Variants in ROBO2 observed in about 807,000 individuals in gnomAD.
ROBO2 encodes the protein roundabout guidance receptor 2.
ROBO2 carries 53 observed loss-of-function variants against 160.8 expected under a neutral mutation model. The ratio of observed to expected loss-of-function variants is 0.33; its 90% CI spans 0.26 to 0.41. ROBO2 has a LOEUF of 0.41. Ranked by LOEUF, ROBO2 falls within the 10% of genes least tolerant of loss-of-function variation. The probability of loss-of-function intolerance (pLI) is 1.00; values close to 1 mark genes in which losing one functional copy is unlikely to be tolerated. For missense variants in ROBO2, 1,577 were observed against 1,722.4 expected, an observed-to-expected ratio of 0.92 and a Z score of 1.49; for synonymous variants, 664 against 611.7, an observed-to-expected ratio of 1.09 and a Z score of -1.26.
At chr3:77,112,066 A>T (rs2073659873) in intron 2 of ROBO2, among the ~76,000 whole-genome samples, 1 of 151,710 alleles carries the variant, frequency 6.6e-6, no homozygotes, top group African/African-American at 2.4e-5. Context: ...TACAATAGTT[A>T]GCCGGGTGTA....
chr3:76,392,321 G>C (rs1166942667), intron 2 of ROBO2, among the ~76,000 whole-genome samples: 1 of 152,074 alleles, frequency 6.6e-6, no homozygotes, highest in Non-Finnish European at 1.5e-5. Context: ...GCCCTGCATG[G>C]TTTAGAACTT....
chr3:76,243,349 G>T (rs1324482859), intron 2 of ROBO2, among the ~76,000 whole-genome samples: 2 of 152,174 alleles, frequency 1.3e-5, no homozygotes, highest in Non-Finnish European at 2.9e-5. Context: ...CTCAGGGAAT[G>T]GAGGGTGGGG....
chr3:77,580,454 T>C (rs906366905), intron 16 of ROBO2, among the ~76,000 whole-genome samples: 1 of 152,166 alleles, frequency 6.6e-6, no homozygotes, highest in African/African-American at 2.4e-5. Context: ...AGAGAGACCA[T>C]CATGTTTCAA....
intron 12 of ROBO2, among the ~76,000 whole-genome samples, chr3:77,567,785 C>T (rs560072189): frequency 6.6e-6 from 1 of 152,140 alleles, no homozygotes; most frequent in East Asian, 1.9e-4. Context: ...ATTCACTTTC[C>T]TAGTCCACCA....
chr3:76,493,109 G>A (rs113857879), intron 2 of ROBO2, among the ~76,000 whole-genome samples: 1,539 of 151,816 alleles, frequency 0.01, 24 homozygotes, highest in African/African-American at 0.035. Context: ...TATGCATAGC[G>A]TTGTGGCTGT....
intron 2 of ROBO2, among the ~76,000 whole-genome samples, chr3:76,908,930 C>A (rs927445399): frequency 6.6e-6 from 1 of 152,106 alleles, no homozygotes; most frequent in African/African-American, 2.4e-5. Context: ...CTTTTTAATT[C>A]TTAAAACAAT....
At position 76,951,684 on chromosome 3, in the gene ROBO2, T is replaced by C. The variant is rs373982419; in HGVS notation, c.110-146330T>C. On this transcript the variant is annotated intron_variant, in intron 2 of 26. Coordinates refer to the ROBO2 transcript ENST00000487694. Reference sequence around the variant, plus strand: ...TGTACGATATGTGTGTTGTATTCTTTTTCTTCCTTAATCAATTGTTTTCTT... The same window carrying C: ...TGTACGATATGTGTGTTGTATTCTTCTTCTTCCTTAATCAATTGTTTTCTT... Among the ~76,000 whole-genome samples the C allele has an allele frequency of 1.6e-4, 24 of 152,338 alleles. No homozygotes were observed. The East Asian group carries it at 3.9e-3, about 25-fold the overall frequency.
At chr3:76,911,790 T>TAAC (rs57483966) in intron 2 of ROBO2, among the ~76,000 whole-genome samples, 1 of 151,788 alleles carries the variant, frequency 6.6e-6, no homozygotes, top group South Asian at 2.1e-4. Flanking sequence ...AAGACAACAA[T>TAAC]AACAACAACA....
chr3:76,158,001 ATC>A (rs2072474085), intron 2 of ROBO2, among the ~76,000 whole-genome samples: 1 of 152,064 alleles, frequency 6.6e-6, no homozygotes, highest in African/African-American at 2.4e-5. Context: ...TATATTAGTA[ATC>A]TCTCTAAGAA....
chr3:76,906,360 CAT>C (rs1339763313), intron 2 of ROBO2, among the ~76,000 whole-genome samples: 1 of 151,716 alleles, frequency 6.6e-6, no homozygotes, highest in East Asian at 1.9e-4. Context: ...ATACATTTTA[CAT>C]AAAATAACTT....
At chr3:76,500,391 G>A (rs2080393651) in intron 2 of ROBO2, among the ~76,000 whole-genome samples, 1 of 152,254 alleles carries the variant, frequency 6.6e-6, no homozygotes, top group East Asian at 1.9e-4. Flanking sequence ...GGGATTACAG[G>A]TGTGAGCCAC....
At chr3:76,022,289 T>A (rs1460091533) in intron 2 of ROBO2, among the ~76,000 whole-genome samples, 2 of 151,746 alleles carry the variant, frequency 1.3e-5, no homozygotes, top group Non-Finnish European at 1.5e-5. Flanking sequence ...GGACTCAACT[T>A]CTTCTAAACT....
chr3:77,041,881 G>A (rs11713506), intron 1 of ROBO2, among the ~76,000 whole-genome samples: 1 of 152,050 alleles, frequency 6.6e-6, no homozygotes, highest in African/African-American at 2.4e-5. Context: ...AAGGGTATTA[G>A]TCTAACTGTT....
Position 75,952,528 on chromosome 3 carries a change from A to G in ROBO2, c.109+14926A>G, listed in dbSNP as rs1300242125. Among the ~76,000 whole-genome samples, 3 of 151,998 alleles carry G rather than the reference A, an allele frequency of 2.0e-5. No homozygotes were observed. In the East Asian group the frequency reaches 5.8e-4, roughly 30 times the overall value. On this transcript the variant is annotated intron_variant, in intron 2 of 26. Coordinates refer to the ROBO2 transcript ENST00000487694. ...TTTAGGTTTGCAGAAAGAAGTGAAT[A>G]AGCATTCACATGTCATCCTCAGCCT...
intron 2 of ROBO2, among the ~76,000 whole-genome samples, chr3:76,472,875 A>G (rs2078740627): frequency 6.6e-6 from 1 of 152,216 alleles, no homozygotes; most frequent in Non-Finnish European, 1.5e-5. Flanking sequence ...CTGGGACAGC[A>G]TGTCAGTCTC....
At chr3:77,614,273 A>G (rs890468067) in intron 21 of ROBO2, among the ~76,000 whole-genome samples, 2 of 152,218 alleles carry the variant, frequency 1.3e-5, no homozygotes, top group African/African-American at 4.8e-5. Context: ...TTAAAGCAAT[A>G]GGATCTTTTT....
chr3:76,399,380 A>C lies in ROBO2; in HGVS notation c.109+461778A>C, dbSNP rs1022193067. On this transcript the variant is annotated intron_variant, in intron 2 of 26. Coordinates refer to the ROBO2 transcript ENST00000487694. ...GAGGGAAACATTATTGCTATTGTAC[A>C]CATAGGACTGCAGAGTTTAAATGCC... 2.0e-5 allele frequency among the ~76,000 whole-genome samples: 3 copies of C among 151,698 alleles called. No homozygotes were observed. The Admixed American group carries it at 2.0e-4, about 10-fold the overall frequency.
chr3:76,114,509 A>C (rs2070376042), intron 2 of ROBO2, among the ~76,000 whole-genome samples: 1 of 152,090 alleles, frequency 6.6e-6, no homozygotes, highest in African/African-American at 2.4e-5. Context: ...ATTTATATGC[A>C]TTATTTATTT....
At chr3:77,199,030 C>G (rs1398080073) in intron 2 of ROBO2, among the ~76,000 whole-genome samples, 2 of 152,118 alleles carry the variant, frequency 1.3e-5, no homozygotes, top group East Asian at 1.9e-4. Context: ...TCAAGGGAGA[C>G]AAGTGTGTAA....
Sources: allele counts gnomAD v4.1 joint callset (sites outside exome capture counted in the v4.1 genomes callset), GRCh38; gene constraint gnomAD v4.1.1; transcripts MANE v1.5; gene names NCBI Gene and HGNC (gene_info 2026-07-23, HGNC 2026-07-21).